Variants in MCFD2 observed in about 807,000 individuals in gnomAD.
MCFD2 encodes the protein multiple coagulation factor deficiency protein 2.
Under a neutral mutation model 12.8 loss-of-function variants are expected in MCFD2, and 11 were observed. The observed-to-expected ratio is 0.86, with a 90% confidence interval of 0.54 to 1.42. The LOEUF (loss-of-function observed/expected upper bound fraction) is 1.42. Among genes scored for constraint, MCFD2 ranks in the 40% most tolerant of loss-of-function variants. The probability of loss-of-function intolerance (pLI) is 0.00; values close to 1 mark genes in which losing one functional copy is unlikely to be tolerated. For synonymous variants in MCFD2, 70 were observed against 68.1 expected, an observed-to-expected ratio of 1.03 and a Z score of -0.14; for missense variants, 191 against 178.6, an observed-to-expected ratio of 1.07 and a Z score of -0.40.
chr2:46,925,309 G>A (rs1413206862), intron 1 of MCFD2, among the ~76,000 whole-genome samples: 1 of 152,118 alleles, frequency 6.6e-6, no homozygotes, highest in East Asian at 1.9e-4. Context: ...TATAATCCCA[G>A]CACTTTGGGA....
At chr2:46,927,475 A>T (rs1335016008) in intron 1 of MCFD2, among the ~76,000 whole-genome samples, 1 of 151,030 alleles carries the variant, frequency 6.6e-6, no homozygotes, top group African/African-American at 2.4e-5. Flanking sequence ...TCCCACCTCA[A>T]CCTCCAGAGT....
At chr2:46,926,744 CA>C (rs1211010704) in intron 1 of MCFD2, among the ~76,000 whole-genome samples, 6 of 152,166 alleles carry the variant, frequency 3.9e-5, no homozygotes. Flanking sequence ...GACAACTAGA[CA>C]TGAGGAAACA....
intron 1 of MCFD2, among the ~76,000 whole-genome samples, chr2:46,911,730 G>A (rs1235054007): frequency 1.3e-5 from 2 of 151,294 alleles, no homozygotes; most frequent in African/African-American, 4.9e-5. Context: ...GACCACCCTG[G>A]CTAACACGGT....
Position 46,941,807 on chromosome 2 carries a change from C to T in MCFD2, c.-243G>A, listed in dbSNP as rs1670425320. The T allele has an allele frequency of 2.6e-6, 4 of 1,516,188 alleles. No individual in the cohort carries two copies. Among genetic ancestry groups the T allele is most frequent in the Admixed American group, 4.1e-5 (2 of 49,144 alleles). The allele number at this position is 1,516,188 out of a possible 1,614,324, so 93.9% of individuals were successfully genotyped here. ...CTCCAGGAAGCGCGCCCAGACAGTC[C>T]TCGGCCGACAGCGGGCGCCTGCCAG... On this transcript the variant is annotated 5_prime_UTR_variant, in exon 1 of 3. Coordinates refer to the MCFD2 transcript ENST00000409147. The surrounding 1 kb of genome is among the most constrained non-coding windows in gnomAD (Gnocchi z 4.2).
intron 1 of MCFD2, 137 bp from the exon 2 acceptor site, chr2:46,909,314 G>T: frequency 2.0e-6 from 2 of 1,017,986 alleles, no homozygotes; most frequent in Non-Finnish European, 2.9e-6. Flanking sequence ...ACGGCCCAAT[G>T]CCAGCTCTGC....
intron 1 of MCFD2, among the ~76,000 whole-genome samples, chr2:46,930,809 A>G (rs1669661594): frequency 6.6e-6 from 1 of 152,162 alleles, no homozygotes; most frequent in Admixed American, 6.6e-5. Flanking sequence ...CTGAAGTCCT[A>G]TAATTTTTAA....
chr2:46,915,864 C>A, upstream of MCFD2: 2 of 982,528 alleles, frequency 2.0e-6, no homozygotes, highest in African/African-American at 3.5e-5. Flanking sequence ...TGCCGCCCGC[C>A]CATTGGCGCC....
rs1047189488 is a variant in MCFD2 at position 46,905,181 on chromosome 2, G to A, written c.*282C>T. On this transcript the variant is annotated 3_prime_UTR_variant, in exon 4 of 4. Transcript: ENST00000319466. ...TAAACCTCTTTTTCTTCCCAGTCTC[G>A]GGTACGTCTTTATCAGCAGCATTAA... 3.9e-5 allele frequency: 16 copies of A among 410,196 alleles called. No individual in the cohort carries two copies. Among genetic ancestry groups the A allele is most frequent in the African/African-American group, 2.5e-4 (12 of 48,922 alleles). The allele number at this position is 410,196 out of a possible 1,614,324, so 25.4% of individuals were successfully genotyped here.
chr2:46,930,580 A>C (rs1165867976), intron 1 of MCFD2, among the ~76,000 whole-genome samples: 4 of 151,192 alleles, frequency 2.6e-5, no homozygotes, highest in Admixed American at 6.6e-5. Context: ...GCTCACTGCA[A>C]CCTCTGCCTC....
chr2:46,940,344 G>A lies in MCFD2; in HGVS notation c.-8+1228C>T, dbSNP rs1218616123. On this transcript the variant is annotated intron_variant, in intron 1 of 2. Coordinates refer to the MCFD2 transcript ENST00000409147. This position sits in a 1 kb window ranked among gnomAD's most constrained non-coding sequence, Gnocchi z 4.7. The stretch of plus-strand genomic sequence containing the variant: ...GTCACTTAAATGCCGGTGGTTTTTG[G>A]TTTCGGGTCTTGCTGTGGCTTCTCC... 6.6e-6 allele frequency among the ~76,000 whole-genome samples: 1 copy of A among 152,120 alleles called. No individual in the cohort carries two copies.
At chr2:46,915,133 A>C (rs562214304) in intron 1 of MCFD2, among the ~76,000 whole-genome samples, 75 of 152,338 alleles carry the variant, frequency 4.9e-4, no homozygotes, top group African/African-American at 1.8e-3. Context: ...TAGTCCAGAG[A>C]AGAAAAGGTG....
chr2:46,906,813 C>G (rs1668260073), intron 3 of MCFD2: 1 of 152,178 alleles, frequency 6.6e-6, no homozygotes, highest in Non-Finnish European at 1.5e-5. Flanking sequence ...ATTTCAGTGT[C>G]TTCACCTAGA....
At chr2:46,915,194 A>G (rs941704856) in intron 1 of MCFD2, among the ~76,000 whole-genome samples, 4 of 152,234 alleles carry the variant, frequency 2.6e-5, no homozygotes, top group Non-Finnish European at 4.4e-5. Context: ...AACGTATCCA[A>G]GACAACTTTG....
At position 46,904,122 on chromosome 2, in the gene MCFD2, G is replaced by A. The variant is rs1668118810; in HGVS notation, c.*1341C>T. ...CTGTTAAGCCTGCAGGTGCACAGAA[G>A]TCAAGAATTGAGATTTGGAAACCTC... On this transcript the variant is annotated 3_prime_UTR_variant, in exon 4 of 4. Coordinates refer to ENST00000319466, the MANE Select transcript of MCFD2 (RefSeq NM_139279.6). 1 of 152,274 alleles carries A rather than the reference G, an allele frequency of 6.6e-6. No individual in the cohort carries two copies. Among genetic ancestry groups the A allele is most frequent in the Non-Finnish European group, 1.5e-5 (1 of 68,060 alleles). 9.4% of individuals were successfully genotyped at this position (152,274 alleles called of 1,614,324 possible). A position where few individuals can be genotyped will look rare whatever the true frequency, so the allele number is the denominator to read the frequency against.
chr2:46,918,532 T>A (rs1284971183), upstream of MCFD2, among the ~76,000 whole-genome samples: 1 of 152,204 alleles, frequency 6.6e-6, no homozygotes, highest in African/African-American at 2.4e-5. Context: ...CTGAACCCAT[T>A]CCTAACAGGC....
chr2:46,939,503 ATGAG>A (rs747203013), intron 1 of MCFD2, among the ~76,000 whole-genome samples: 20 of 152,316 alleles, frequency 1.3e-4, no homozygotes, highest in Non-Finnish European at 2.5e-4. Flanking sequence ...CCACACATAC[ATGAG>A]TATTGGTGAC....
rs999236641 is a variant in MCFD2, at chr2:46,903,537, C to G, written c.*1926G>C. 6.6e-6 allele frequency: 1 copy of G among 152,184 alleles called. No individual in the cohort carries two copies. The highest frequency in any genetic ancestry group is 2.4e-5 in the African/African-American group (1 of 41,430). The allele number at this position is 152,184 out of a possible 1,614,324, so 9.4% of individuals were successfully genotyped here. ...ATGGCTTTGCCCCAAATGCTGATAG[C>G]AATATGGACAACAAAGTCCAGGCTG... On this transcript the variant is annotated 3_prime_UTR_variant, in exon 4 of 4. Transcript: ENST00000319466.
In MCFD2 at chr2:46,941,415, C is replaced by CGCCCGGGCCCCCGCTGCT; in HGVS notation, c.-8+156_-8+157insAGCAGCGGGGGCCCGGGC. 1 of 1,016,656 alleles carries CGCCCGGGCCCCCGCTGCT rather than the reference C, an allele frequency of 9.8e-7. No individual in the cohort carries two copies. The highest frequency in any genetic ancestry group is 1.2e-6 in the Non-Finnish European group (1 of 800,116). 63.0% of individuals were successfully genotyped at this position (1,016,656 alleles called of 1,614,324 possible). A position where few individuals can be genotyped will look rare whatever the true frequency, so the allele number is the denominator to read the frequency against. ...CCTCCGCCGCCCGGGCCCCCGCTGC[C>CGCCCGGGCCCCCGCTGCT]GCCCGGGCCCCGGCTGCCGTCTGCG... On this transcript the variant is annotated intron_variant, in intron 1 of 2. Transcript: ENST00000409147. This position sits in a 1 kb window ranked among gnomAD's most constrained non-coding sequence, Gnocchi z 4.2.
rs555064387 is a variant in MCFD2 at position 46,937,071 on chromosome 2, G to T, written c.-8+4501C>A. ...GGTTTTTGCCATATTGCCCAGGCTC[G>T]TCTCGAACTCCTGAGCTCAAGTGAT... On this transcript the variant is annotated intron_variant, in intron 1 of 2. Coordinates refer to the MCFD2 transcript ENST00000409147. The surrounding 1 kb of genome is among the most constrained non-coding windows in gnomAD (Gnocchi z 4.0). Among the ~76,000 whole-genome samples the T allele has an allele frequency of 2.0e-5, 3 of 151,918 alleles. No individual in the cohort carries two copies. Among genetic ancestry groups the T allele is most frequent in the African/African-American group, 7.3e-5 (3 of 41,350 alleles).
Sources: allele counts gnomAD v4.1 joint callset (sites outside exome capture counted in the v4.1 genomes callset), GRCh38; gene constraint gnomAD v4.1.1; non-coding constraint Gnocchi (gnomAD v3.1); transcripts MANE v1.5; gene names NCBI Gene and HGNC (gene_info 2026-07-23, HGNC 2026-07-21).